Variants in CNTN4 observed in about 807,000 individuals in gnomAD.
CNTN4 encodes the protein contactin-4.
A neutral mutation model predicts 122.5 loss-of-function variants in CNTN4; 77 were observed. The ratio of observed to expected loss-of-function variants is 0.63; its 90% CI spans 0.52 to 0.76. The LOEUF is 0.76. CNTN4 is among the 30% of genes least tolerant of loss of function. The pLI is 0.00. For missense variants in CNTN4, 1,256 were observed against 1,259.1 expected (o/e 1.00, Z 0.04); for synonymous variants, 512 against 447.0 (o/e 1.15, Z -1.83).
chr3:2,311,380 TGTA>T (rs1310306234), intron 2 of CNTN4, among the ~76,000 whole-genome samples: 3 of 152,162 alleles, frequency 2.0e-5, no homozygotes, highest in Non-Finnish European at 4.4e-5. Context: ...TTATTTTTCT[TGTA>T]GCCATTAAAA....
intron 2 of CNTN4, among the ~76,000 whole-genome samples, chr3:2,324,313 T>C (rs11714993): frequency 0.13 from 20,207 of 152,012 alleles, 1,661 homozygotes; most frequent in Non-Finnish European, 0.19. Flanking sequence ...TTTCTTCCCA[T>C]GGCATTGCTT....
At chr3:2,933,958 G>A (rs2094546951) in intron 13 of CNTN4, among the ~76,000 whole-genome samples, 1 of 152,140 alleles carries the variant, frequency 6.6e-6, no homozygotes, top group South Asian at 2.1e-4. Flanking sequence ...CACGCCTGCT[G>A]GGAGGTTTGA....
intron 3 of CNTN4, among the ~76,000 whole-genome samples, chr3:2,486,364 G>A (rs1177437428): frequency 6.6e-6 from 1 of 152,136 alleles, no homozygotes; most frequent in African/African-American, 2.4e-5. Context: ...GATACACTAT[G>A]ATAGTCTTAT....
In CNTN4 at chr3:2,275,933, A is replaced by C. The variant is rs558070959; in HGVS notation, c.-144-63245A>C. On this transcript the variant is annotated intron_variant, in intron 2 of 24. Coordinates refer to ENST00000418658, the MANE Select transcript of CNTN4 (RefSeq NM_175607.3). ...AGACTCTGTCTCAAAAAAAAAAAAAAAAAACAAAAAAAAATATTAAATCTT... is the reference window on the plus strand; with the variant it reads ...AGACTCTGTCTCAAAAAAAAAAAAACAAAACAAAAAAAAATATTAAATCTT... 6.6e-4 allele frequency among the ~76,000 whole-genome samples: 66 copies of C among 100,704 alleles called. No homozygotes were observed. The East Asian group carries it at 0.015, about 23-fold the overall frequency. The allele number at this position is 100,704 out of a possible 152,430, so 66.1% of individuals were successfully genotyped here. A position where few individuals can be genotyped will look rare whatever the true frequency, so the allele number is the denominator to read the frequency against.
intron 2 of CNTN4, among the ~76,000 whole-genome samples, chr3:2,237,299 T>G (rs991885045): frequency 2.0e-5 from 3 of 152,034 alleles, no homozygotes; most frequent in African/African-American, 7.2e-5. Flanking sequence ...AATATCACAT[T>G]GAATTTAAAT....
intron 6 of CNTN4, among the ~76,000 whole-genome samples, chr3:2,763,210 G>T (rs1452773299): frequency 2.0e-5 from 3 of 152,188 alleles, no homozygotes; most frequent in African/African-American, 7.2e-5. Flanking sequence ...CTCCCAAAGT[G>T]CTGGGATTAC....
chr3:2,593,517 A>G (rs1455428687), intron 4 of CNTN4, among the ~76,000 whole-genome samples: 1 of 152,148 alleles, frequency 6.6e-6, no homozygotes, highest in Non-Finnish European at 1.5e-5. Flanking sequence ...TGATCAAGTA[A>G]TAGTTATTGA....
intron 10 of CNTN4, among the ~76,000 whole-genome samples, chr3:2,894,670 T>A (rs2094086157): frequency 6.6e-6 from 1 of 151,860 alleles, no homozygotes; most frequent in Admixed American, 6.6e-5. Flanking sequence ...AAGAGCAGAT[T>A]GAGGGAAACA....
chr3:2,522,576 C>T (rs1441789803), intron 3 of CNTN4, among the ~76,000 whole-genome samples: 4 of 152,054 alleles, frequency 2.6e-5, no homozygotes, highest in Admixed American at 6.6e-5. Flanking sequence ...AAGAAACGCA[C>T]TATTTCAATG....
At chr3:2,260,187 G>A (rs989728259) in intron 2 of CNTN4, among the ~76,000 whole-genome samples, 1 of 152,046 alleles carries the variant, frequency 6.6e-6, no homozygotes, top group Non-Finnish European at 1.5e-5. Context: ...TCCTGTAGCT[G>A]AAGTTTCTCA....
chr3:3,003,684 CAAAAAAAAAAAAA>C (rs58290160), intron 14 of CNTN4, among the ~76,000 whole-genome samples: 6 of 76,982 alleles, frequency 7.8e-5, no homozygotes, highest in Middle Eastern at 0.01. Flanking sequence ...ATGGTTGCAC[CAAAAAAAAAAAAA>C]AAAAAAAAAA....
At chr3:3,018,670 G>C (rs1055768147) in intron 14 of CNTN4, among the ~76,000 whole-genome samples, 12 of 152,174 alleles carry the variant, frequency 7.9e-5, no homozygotes, top group Non-Finnish European at 1.5e-4. Context: ...AATACTTATA[G>C]ATGTGTAGGT....
chr3:2,669,534 A>G lies in CNTN4; in HGVS notation c.56-66681A>G, dbSNP rs576111605. ...TCTATCAATTTTGTTGATCTTTTCA[A>G]AAAACCACCTCCTGGATTCATTGAT... On this transcript the variant is annotated intron_variant, in intron 4 of 24. Coordinates refer to ENST00000418658, the MANE Select transcript of CNTN4 (RefSeq NM_175607.3). Among the ~76,000 whole-genome samples, 5 of 152,190 alleles carry G rather than the reference A, an allele frequency of 3.3e-5. No homozygotes were observed. The East Asian group carries it at 9.7e-4, about 29-fold the overall frequency.
intron 4 of CNTN4, among the ~76,000 whole-genome samples, chr3:2,684,567 A>G (rs181435157): frequency 7.9e-5 from 12 of 152,270 alleles, no homozygotes; most frequent in Admixed American, 3.9e-4. Flanking sequence ...AGATCTCGGC[A>G]TAAATCCTGG....
At chr3:2,866,679 C>A (rs1559597533) in intron 7 of CNTN4, 73 bp from the exon 8 acceptor site, 49 of 1,407,320 alleles carry the variant, frequency 3.5e-5, no homozygotes, top group Non-Finnish European at 4.9e-5. Flanking sequence ...TTAACCTGAT[C>A]ATTTCTTTCA....
At chr3:2,790,049 A>G (rs889833968) in intron 6 of CNTN4, among the ~76,000 whole-genome samples, 1 of 152,198 alleles carries the variant, frequency 6.6e-6, no homozygotes, top group African/African-American at 2.4e-5. Flanking sequence ...ACCACATGCC[A>G]CGTTACACAA....
rs567583608 is a variant in CNTN4 at position 2,590,022 on chromosome 3, G to A, written c.55+18464G>A. Among the ~76,000 whole-genome samples the A allele has an allele frequency of 3.7e-4, 57 of 152,262 alleles. No homozygotes were observed. In the South Asian group the frequency reaches 6.6e-3, roughly 18 times the overall value. ...AAATAAGTTCTATATTTTAGAAGGG[G>A]GAGTGTCAAAGAATATTTGGACGTA... On this transcript the variant is annotated intron_variant, in intron 4 of 24. Coordinates refer to ENST00000418658, the MANE Select transcript of CNTN4 (RefSeq NM_175607.3).
intron 3 of CNTN4, among the ~76,000 whole-genome samples, chr3:2,367,136 C>T (rs945147660): frequency 6.6e-6 from 1 of 151,824 alleles, no homozygotes; most frequent in African/African-American, 2.4e-5. Flanking sequence ...TAATAAAAAG[C>T]AGTTTCTAGC....
intron 2 of CNTN4, among the ~76,000 whole-genome samples, chr3:2,162,473 T>A (rs953594348): frequency 6.6e-6 from 1 of 152,258 alleles, no homozygotes; most frequent in Non-Finnish European, 1.5e-5. Flanking sequence ...TCAAATAATA[T>A]AGGAGGGAAA....
Sources: allele counts gnomAD v4.1 joint callset (sites outside exome capture counted in the v4.1 genomes callset), GRCh38; gene constraint gnomAD v4.1.1; transcripts MANE v1.5; gene names NCBI Gene and HGNC (gene_info 2026-07-23, HGNC 2026-07-21).